Variants in PLIN5 observed in about 807,000 individuals in gnomAD.
The protein encoded by PLIN5 is perilipin 5.
A neutral mutation model predicts 32.8 loss-of-function variants in PLIN5; 34 were observed. The ratio of observed to expected loss-of-function variants is 1.04; its 90% confidence interval spans 0.79 to 1.38. PLIN5 has a LOEUF of 1.38. PLIN5 is among the 40% of genes most tolerant of loss of function. The pLI is 0.00. For synonymous variants in PLIN5, 309 were observed against 292.9 expected, an observed-to-expected ratio of 1.05 and a Z score of -0.56; for missense variants, 712 against 660.5, an observed-to-expected ratio of 1.08 and a Z score of -0.85.
intron 7 of PLIN5, among the ~76,000 whole-genome samples, chr19:4,524,650 G>A (rs1976776598): frequency 2.0e-5 from 3 of 152,084 alleles, no homozygotes; most frequent in African/African-American, 7.2e-5. Flanking sequence ...GAAGGGGCGG[G>A]AAGCCAGGGA....
intron 3 of PLIN5, among the ~76,000 whole-genome samples, chr19:4,530,312 C>G (rs1316671778): frequency 2.0e-5 from 3 of 152,162 alleles, no homozygotes; most frequent in Non-Finnish European, 1.5e-5. Flanking sequence ...TCAGCCGTGC[C>G]CAGCTCAGAT....
At position 4,528,722 on chromosome 19, in the gene PLIN5, T is replaced by C. The variant is rs919607399; in HGVS notation, c.520+351A>G. On this transcript the variant is annotated intron_variant, in intron 5 of 7. Coordinates refer to ENST00000381848, the MANE Select transcript of PLIN5 (RefSeq NM_001013706.3). ...TGTGCCTGGCAGTGTGTCTGGTTTT[T>C]CAAAACAAGCCAAGAATCGGGACAT... 13 of 182,666 alleles carry C rather than the reference T, an allele frequency of 7.1e-5. 4 individuals are homozygous for C. The allele number at this position is 182,666 out of a possible 1,614,324, so 11.3% of individuals were successfully genotyped here.
intron 7 of PLIN5, 97 bp from the exon 8 acceptor site, chr19:4,524,182 C>T (rs1431333403): frequency 5.7e-6 from 7 of 1,238,742 alleles, no homozygotes; most frequent in Admixed American, 7.3e-5. Context: ...GAGCTGTCAA[C>T]CTGTCTCATA....
rs772520074 is a variant in PLIN5 at position 4,534,003 on chromosome 19, G to T, written c.60+12C>A. 3 of 1,611,244 alleles carry T rather than the reference G, an allele frequency of 1.9e-6. No individual in the cohort carries two copies. Among genetic ancestry groups the T allele is most frequent in the African/African-American group, 1.3e-5 (1 of 74,826 alleles). ...CCTTCTGTCCCTGCTCCATGGGAGG[G>T]GCAGCCCTCACCTGCTGGTCCTGCT... On this transcript the variant is annotated intron_variant, in intron 2 of 7. Transcript: ENST00000381848.
rs199871483 is a variant in PLIN5, at chr19:4,523,481, C to T, written c.*47G>A. ...GTGGCCACCAGGGGGCAGCAGGGAT[C>T]GGGGTGTGCAGGTGGCCTTTCCTCC... On this transcript the variant is annotated 3_prime_UTR_variant, in exon 8 of 8. Transcript: ENST00000381848. This position sits in a 1 kb window ranked among gnomAD's most constrained non-coding sequence, Gnocchi z 5.0. The T allele has an allele frequency of 1.1e-5, 16 of 1,508,604 alleles. No individual in the cohort carries two copies. The highest frequency in any genetic ancestry group is 5.6e-5 in the African/African-American group (4 of 70,918). The allele number at this position is 1,508,604 out of a possible 1,614,324, so 93.5% of individuals were successfully genotyped here.
intron 3 of PLIN5, 121 bp downstream of exon 3, chr19:4,531,506 A>T (rs1458307756): frequency 3.1e-6 from 3 of 979,706 alleles, no homozygotes; most frequent in Non-Finnish European, 4.2e-6. Context: ...GCAGTGGGAC[A>T]GGTGGCTAGG....
intron 3 of PLIN5, among the ~76,000 whole-genome samples, chr19:4,531,094 G>A (rs146417863): frequency 1.3e-5 from 2 of 151,630 alleles, no homozygotes; most frequent in Non-Finnish European, 2.9e-5. Context: ...TCTGCCTCCC[G>A]GGTTCAAGCA....
intron 5 of PLIN5, among the ~76,000 whole-genome samples, chr19:4,526,965 A>G (rs1976811016): frequency 6.6e-6 from 1 of 152,134 alleles, no homozygotes; most frequent in Non-Finnish European, 1.5e-5. Flanking sequence ...GTCCAGGCAC[A>G]GCGGCTCACG....
At chr19:4,526,668 C>CA (rs531079232) in intron 5 of PLIN5, among the ~76,000 whole-genome samples, 4 of 151,814 alleles carry the variant, frequency 2.6e-5, no homozygotes, top group South Asian at 4.2e-4. Flanking sequence ...GGCAATACAG[C>CA]AAAAAACCCT....
chr19:4,530,222 G>A (rs753075083), intron 3 of PLIN5, among the ~76,000 whole-genome samples: 70 of 152,130 alleles, frequency 4.6e-4, no homozygotes, highest in Non-Finnish European at 9.0e-4. Flanking sequence ...TGGGTAGGCC[G>A]CTGGGTTGGG....
rs1490803234 is a variant in PLIN5 at position 4,525,939 on chromosome 19, GGA to G, written c.521-109_521-108del. 6.3e-6 allele frequency: 4 copies of G among 637,202 alleles called. No individual in the cohort carries two copies. The highest frequency in any genetic ancestry group is 5.2e-6 in the Non-Finnish European group (2 of 387,084). 39.5% of individuals were successfully genotyped at this position (637,202 alleles called of 1,614,324 possible). On this transcript the variant is annotated intron_variant, in intron 5 of 7. Transcript: ENST00000381848. The surrounding 1 kb of genome is among the most constrained non-coding windows in gnomAD (Gnocchi z 5.6). ...AGGATACGGGGACAGCACGGGGACA[GGA>G]TACGGGGACAGCACGGGGACAGCAT...
In PLIN5 at chr19:4,525,940, GATACGGGGACAGC is replaced by G; in HGVS notation, c.521-121_521-109del. On this transcript the variant is annotated intron_variant, in intron 5 of 7. Coordinates refer to ENST00000381848, the MANE Select transcript of PLIN5 (RefSeq NM_001013706.3). This position sits in a 1 kb window ranked among gnomAD's most constrained non-coding sequence, Gnocchi z 5.6. ...GGATACGGGGACAGCACGGGGACAG[GATACGGGGACAGC>G]ACGGGGACAGCATGGGGTCAGCACA... is the stretch of plus-strand genomic sequence containing the variant. 2 of 541,036 alleles carry G rather than the reference GATACGGGGACAGC, an allele frequency of 3.7e-6. No individual in the cohort carries two copies. The highest frequency in any genetic ancestry group is 2.4e-5 in the South Asian group (1 of 41,704). The allele number at this position is 541,036 out of a possible 1,614,324, so 33.5% of individuals were successfully genotyped here.
chr19:4,525,649 T>G lies in PLIN5; in HGVS notation c.704A>C (p.Gln235Pro). 6.2e-7 allele frequency: 1 copy of G among 1,613,414 alleles called. No individual in the cohort carries two copies. Among genetic ancestry groups the G allele is most frequent in the Non-Finnish European group, 8.5e-7 (1 of 1,180,004 alleles). Residue 235 changes from glutamine to proline, a missense_variant, in exon 6 of 8, where the codon CAG becomes CCG. Coordinates refer to ENST00000381848, the MANE Select transcript of PLIN5 (RefSeq NM_001013706.3). The surrounding 1 kb of genome is among the most constrained non-coding windows in gnomAD (Gnocchi z 5.6). ...GGCTCTCACCAGCTCCAGCGTCTCCTGCAGCTGGGCCAGGGTGTCCTGGGC... is the reference window on the plus strand; with the variant it reads ...GGCTCTCACCAGCTCCAGCGTCTCCGGCAGCTGGGCCAGGGTGTCCTGGGC... ...HRAQDTLAQLQETLELIDHMQ... is the reference protein window; with the variant it reads ...HRAQDTLAQLPETLELIDHMQ...
At position 4,527,702 on chromosome 19, in the gene PLIN5, G is replaced by A. The variant is rs574281950; in HGVS notation, c.520+1371C>T. Among the ~76,000 whole-genome samples, 27 of 151,452 alleles carry A rather than the reference G, an allele frequency of 1.8e-4. No individual in the cohort carries two copies. In the South Asian group the frequency reaches 3.1e-3, roughly 18 times the overall value. The stretch of plus-strand genomic sequence containing the variant: ...TCTACTAAATACACAAAAATTAGCC[G>A]GGTGTAGTGGTGGGTGCCTGTAATC... On this transcript the variant is annotated intron_variant, in intron 5 of 7. Coordinates refer to ENST00000381848, the MANE Select transcript of PLIN5 (RefSeq NM_001013706.3).
chr19:4,527,537 T>TA, intron 5 of PLIN5, among the ~76,000 whole-genome samples: 1 of 23,842 alleles, frequency 4.2e-5, no homozygotes, highest in Non-Finnish European at 8.2e-5. Context: ...AGACTCCACT[T>TA]CAAAAAAAAA....
Position 4,527,914 on chromosome 19 carries a change from C to CT in PLIN5, c.520+1158dup, listed in dbSNP as rs534330544. 3.2e-3 allele frequency among the ~76,000 whole-genome samples: 459 copies of CT among 143,680 alleles called. 1 individual carries two copies. The highest frequency in any genetic ancestry group is 0.019 in the East Asian group (95 of 4,932). The allele number at this position is 143,680 out of a possible 152,430, so 94.3% of individuals were successfully genotyped here. ...AAGTGCCTGATCAATGCCTCACTGC[C>CT]TTTTTTTTTTTTTGAGATAGAGTCT... On this transcript the variant is annotated intron_variant, in intron 5 of 7. Transcript: ENST00000381848.
At chr19:4,530,375 A>C (rs1014779547) in intron 3 of PLIN5, among the ~76,000 whole-genome samples, 1 of 152,144 alleles carries the variant, frequency 6.6e-6, no homozygotes, top group African/African-American at 2.4e-5. Flanking sequence ...GGAGGTGAGG[A>C]GGTGCTGGGC....
In PLIN5 at chr19:4,525,846, TACGGGGACAGCACGGGGACAGG is replaced by T; in HGVS notation, c.521-36_521-15del. On this transcript the variant is annotated splice_polypyrimidine_tract_variant and intron_variant, in intron 5 of 7. Coordinates refer to ENST00000381848, the MANE Select transcript of PLIN5 (RefSeq NM_001013706.3). The surrounding 1 kb of genome is among the most constrained non-coding windows in gnomAD (Gnocchi z 5.6). Reference sequence around the variant, plus strand: ...CCGCCAGTGCCGCTGGAGGACAGGATACGGGGACAGCACGGGGACAGGATACGGGGACAGCACGGGGACAGGA... The same window carrying T: ...CCGCCAGTGCCGCTGGAGGACAGGATATACGGGGACAGCACGGGGACAGGA... 1.3e-6 allele frequency: 2 copies of T among 1,559,898 alleles called. No homozygotes were observed. The highest frequency in any genetic ancestry group is 1.7e-6 in the Non-Finnish European group (2 of 1,164,172).
rs760819691 is a variant in PLIN5, at chr19:4,525,663, G to A, written c.690C>T (p.Thr230=). 13 of 1,613,458 alleles carry A rather than the reference G, an allele frequency of 8.1e-6. No homozygotes were observed. In the Admixed American group the frequency reaches 1.2e-4, roughly 14 times the overall value. Reference sequence around the variant, plus strand: ...CCAGCGTCTCCTGCAGCTGGGCCAGGGTGTCCTGGGCACGGTGTTTGCTCT... The same window carrying A: ...CCAGCGTCTCCTGCAGCTGGGCCAGAGTGTCCTGGGCACGGTGTTTGCTCT... The part of the protein sequence containing the change: ...LRQSKHRAQD[T]LAQLQETLEL... The change falls in exon 6 of 8, where the codon ACC becomes ACT. Residue 230 remains threonine, a synonymous_variant. Transcript: ENST00000381848. This position sits in a 1 kb window ranked among gnomAD's most constrained non-coding sequence, Gnocchi z 5.6.
Sources: gnomAD v4.1 joint callset for allele counts (sites outside exome capture counted in the v4.1 genomes callset) on GRCh38, gnomAD v4.1.1 for gene constraint, Gnocchi (gnomAD v3.1) non-coding constraint, MANE v1.5 for transcripts, NCBI Gene and HGNC (gene_info 2026-07-23, HGNC 2026-07-21) for gene names.